The following SPINDOC variants were observed in gnomAD, a reference collection of about 807,000 sequenced individuals.
The protein encoded by SPINDOC is spindlin interactor and repressor of chromatin-binding protein.
In SPINDOC, 13 loss-of-function variants were observed where a neutral mutation model predicts 30.7. The ratio of observed to expected loss-of-function variants is 0.42; its 90% confidence interval spans 0.28 to 0.67. The LOEUF (loss-of-function observed/expected upper bound fraction) is 0.67. Ranked by LOEUF, SPINDOC falls within the 30% of genes least tolerant of loss-of-function variation. SPINDOC has a pLI of 0.22. For synonymous variants in SPINDOC, 228 were observed against 211.4 expected (o/e 1.08, Z -0.68); for missense variants, 438 against 518.0 (o/e 0.85, Z 1.50).
At chr11:63,825,578 C>T (rs1411281087) in intron 5 of SPINDOC, among the ~76,000 whole-genome samples, 1 of 152,120 alleles carries the variant, frequency 6.6e-6, no homozygotes. Flanking sequence ...CTCCATTCAC[C>T]GCTGTACCCC....
In SPINDOC at chr11:63,827,195, A is replaced by G. The variant is rs2015676409; in HGVS notation, c.*56A>G. ...ATGAGGCAGCGTCCCCCAGTGGCTTATAACTCAGAGCTGCCTGGCTCACCC... is the reference window on the plus strand; with the variant it reads ...ATGAGGCAGCGTCCCCCAGTGGCTTGTAACTCAGAGCTGCCTGGCTCACCC... On this transcript the variant is annotated 3_prime_UTR_variant, in exon 6 of 6. Coordinates refer to ENST00000294244, the MANE Select transcript of SPINDOC (RefSeq NM_138471.3). The G allele has an allele frequency of 6.3e-7, 1 of 1,590,004 alleles. No homozygotes were observed. Among genetic ancestry groups the G allele is most frequent in the South Asian group, 1.1e-5 (1 of 87,594 alleles).
At chr11:63,826,780 C>T (rs998224618) in intron 5 of SPINDOC, 148 bp from the exon 6 acceptor site, 24 of 614,370 alleles carry the variant, frequency 3.9e-5, no homozygotes, top group East Asian at 1.9e-4. Flanking sequence ...CCCTGCCATC[C>T]TTGGGCTTCC....
intron 5 of SPINDOC, among the ~76,000 whole-genome samples, chr11:63,822,381 G>C (rs879004535): frequency 9.4e-6 from 1 of 106,640 alleles, no homozygotes. Context: ...AAAAAAAAAA[G>C]AAACAAAGAA....
chr11:63,826,972 C>G lies in SPINDOC; in HGVS notation c.979C>G (p.Arg327Gly). 2 of 1,608,424 alleles carry G rather than the reference C, an allele frequency of 1.2e-6. No homozygotes were observed. The highest frequency in any genetic ancestry group is 1.7e-6 in the Non-Finnish European group (2 of 1,175,032). ...CGGGACACTGGATCTCCAGGTTATC[C>G]GCGTGCGGATGGAGGAGCCCCCAGC... ...LRGTLDLQVI[R>G]VRMEEPPAVS... is the part of the protein sequence containing the mutation. Residue 327 changes from arginine to glycine, a missense_variant, in exon 6 of 6, where the codon CGC becomes GGC. By Grantham distance (125) the Arg-to-Gly change is moderately radical. Coordinates refer to ENST00000294244, the MANE Select transcript of SPINDOC (RefSeq NM_138471.3).
rs981374257 is a variant in SPINDOC, at chr11:63,818,920, CAG to C, written c.853_854del (p.Arg285GlyfsTer71). On this transcript the variant is annotated frameshift_variant, in exon 5 of 6. Transcript: ENST00000294244. LOFTEE classifies it high-confidence loss of function. This position sits in a 1 kb window ranked among gnomAD's most constrained non-coding sequence, Gnocchi z 5.3. ...TGCAGCTCTTCTCCCACACCCAGCT[CAG>C]GGGCCCAGACAGCAAGGACTCACCC... is the stretch of plus-strand genomic sequence containing the variant. Reference protein sequence around the residue: ...VLQLFSHTQLRGPDSKDSPKD... With the variant: ...VLQLFSHTQLXGPDSKDSPKD... The C allele has an allele frequency of 4.3e-6, 7 of 1,614,084 alleles. No homozygotes were observed. The highest frequency in any genetic ancestry group is 4.5e-5 in the East Asian group (2 of 44,892).
intron 5 of SPINDOC, chr11:63,822,502 A>C: frequency 3.6e-6 from 3 of 833,650 alleles, no homozygotes; most frequent in Non-Finnish European, 5.2e-6. Context: ...TCCTTCAGAG[A>C]GAGCTCTCTG....
chr11:63,824,966 G>A (rs1271763007), intron 5 of SPINDOC, among the ~76,000 whole-genome samples: 2 of 152,076 alleles, frequency 1.3e-5, no homozygotes, highest in Non-Finnish European at 2.9e-5. Flanking sequence ...TCCAAAACAA[G>A]TTCAGAGCTC....
At position 63,813,650 on chromosome 11, in the gene SPINDOC, C is replaced by T; in HGVS notation, c.-37C>T. 6.7e-7 allele frequency: 1 copy of T among 1,501,080 alleles called. No individual in the cohort carries two copies. The highest frequency in any genetic ancestry group is 8.9e-7 in the Non-Finnish European group (1 of 1,125,634). The allele number at this position is 1,501,080 out of a possible 1,614,324, so 93.0% of individuals were successfully genotyped here. A position where few individuals can be genotyped will look rare whatever the true frequency, so the allele number is the denominator to read the frequency against. On this transcript the variant is annotated 5_prime_UTR_variant, in exon 1 of 6. Coordinates refer to ENST00000294244, the MANE Select transcript of SPINDOC (RefSeq NM_138471.3). ...CGGCTGCGCGCCGAAGCCTGCGCGCCAGTCCTCCGGCCACTGCTATCGCCC... is the reference window on the plus strand; with the variant it reads ...CGGCTGCGCGCCGAAGCCTGCGCGCTAGTCCTCCGGCCACTGCTATCGCCC...
chr11:63,814,926 A>G (rs2015299718), intron 1 of SPINDOC, among the ~76,000 whole-genome samples: 1 of 152,242 alleles, frequency 6.6e-6, no homozygotes, highest in African/African-American at 2.4e-5. Context: ...GCAGGAATAG[A>G]CAGGTGAATT....
In SPINDOC at chr11:63,818,966, G is replaced by C; in HGVS notation, c.898G>C (p.Glu300Gln). 1 of 1,614,128 alleles carries C rather than the reference G, an allele frequency of 6.2e-7. No homozygotes were observed. Among genetic ancestry groups the C allele is most frequent in the Non-Finnish European group, 8.5e-7 (1 of 1,180,040 alleles). Residue 300 changes from glutamate to glutamine, a missense_variant, in exon 5 of 6, where the codon GAA (glutamate) becomes CAA (glutamine). Transcript: ENST00000294244. This position sits in a 1 kb window ranked among gnomAD's most constrained non-coding sequence, Gnocchi z 5.3. ...KDSPKDREVAEGGLPRAESPS... is the reference protein window; with the variant it reads ...KDSPKDREVAQGGLPRAESPS... Reference sequence around the variant, plus strand: ...CTCACCCAAAGACAGGGAAGTGGCAGAAGGAGGCCTTCCCCGGGCGGAGAG... The same window carrying C: ...CTCACCCAAAGACAGGGAAGTGGCACAAGGAGGCCTTCCCCGGGCGGAGAG...
rs746020337 is a variant in SPINDOC at position 63,827,072 on chromosome 11, G to A, written c.1079G>A (p.Trp360Ter). The A allele has an allele frequency of 1.2e-6, 2 of 1,614,196 alleles. No homozygotes were observed. The highest frequency in any genetic ancestry group is 1.6e-4 in the Middle Eastern group (1 of 6,062). ...KRVGAGDTSD[W>*]PTVLSESSTT... ...GTGGGAGCAGGTGACACCTCAGACT[G>A]GCCCACAGTTCTGTCAGAATCCAGC... The change falls in exon 6 of 6, where the codon TGG becomes TAG. Residue 360 changes from tryptophan (W) to a stop codon, truncating the protein, a stop_gained. Transcript: ENST00000294244. LOFTEE classifies it low-confidence loss of function (END_TRUNC).
chr11:63,820,593 TA>T (rs2015487035), intron 5 of SPINDOC, among the ~76,000 whole-genome samples: 1 of 151,436 alleles, frequency 6.6e-6, no homozygotes, highest in South Asian at 2.1e-4. Flanking sequence ...TCTAATGGCT[TA>T]AAACAACACA....
Position 63,826,931 on chromosome 11 carries a change from C to T in SPINDOC, c.938C>T (p.Pro313Leu). Residue 313 changes from proline to leucine, a missense_variant, in exon 6 of 6, where the codon CCC becomes CTC. Around this residue, in one of 3 missense-constraint regions of SPINDOC, gnomAD observed 300 missense variants for 332.8 expected, o/e 0.90. Transcript: ENST00000294244. ...CTCTGCTCTCATCCCTGCCCAGCTC[C>T]CCCTCCGGGGCTCCGCGGGACACTG... ...LPRAESPSPA[P>L]PPGLRGTLDL... The T allele has an allele frequency of 6.6e-7, 1 of 1,506,100 alleles. No homozygotes were observed. The allele number at this position is 1,506,100 out of a possible 1,614,324, so 93.3% of individuals were successfully genotyped here.
chr11:63,821,422 C>T lies in SPINDOC; in HGVS notation c.934+2420C>T, dbSNP rs1026658756. Among the ~76,000 whole-genome samples the T allele has an allele frequency of 1.5e-3, 234 of 152,314 alleles. 9 individuals are homozygous for T. Among genetic ancestry groups the T allele is most frequent in the Admixed American group, 0.015 (228 of 15,288 alleles). ...AATTTCATCTGTAACCTTCATTCCC[C>T]TTTGCCATGTAACAAAACATTCACG... is the stretch of plus-strand genomic sequence containing the variant. On this transcript the variant is annotated intron_variant, in intron 5 of 5. Transcript: ENST00000294244.
intron 5 of SPINDOC, 92 bp downstream of exon 5, chr11:63,819,094 C>T: frequency 2.8e-5 from 1 of 36,246 alleles, no homozygotes; most frequent in South Asian, 1.8e-4. Flanking sequence ...GCAGAGCCCA[C>T]AGTAGGGGTG....
chr11:63,818,848 C>G lies in SPINDOC; in HGVS notation c.780C>G (p.Ala260=). Residue 260 remains alanine (A), a synonymous_variant, in exon 5 of 6, where the codon GCC becomes GCG. Coordinates refer to ENST00000294244, the MANE Select transcript of SPINDOC (RefSeq NM_138471.3). The surrounding 1 kb of genome is among the most constrained non-coding windows in gnomAD (Gnocchi z 5.3). The part of the protein sequence containing the change: ...DSPTETFAAP[A]EVRHFTDGSF... ...CCACGGAGACTTTCGCAGCACCAGCCGAGGTCCGACACTTCACTGACGGCA... is the reference window on the plus strand; with the variant it reads ...CCACGGAGACTTTCGCAGCACCAGCGGAGGTCCGACACTTCACTGACGGCA... 6.2e-7 allele frequency: 1 copy of G among 1,614,050 alleles called. No individual in the cohort carries two copies. Among genetic ancestry groups the G allele is most frequent in the South Asian group, 1.1e-5 (1 of 91,082 alleles).
intron 5 of SPINDOC, chr11:63,822,983 A>C: frequency 9.3e-7 from 1 of 1,074,630 alleles, no homozygotes; most frequent in Non-Finnish European, 1.3e-6. Flanking sequence ...TGTTGTCAGC[A>C]GTGGCAGCCT....
At chr11:63,814,215 T>C (rs540857027) in intron 1 of SPINDOC, among the ~76,000 whole-genome samples, 3 of 152,262 alleles carry the variant, frequency 2.0e-5, no homozygotes, top group Admixed American at 1.3e-4. Context: ...TGTGTTCTAG[T>C]CCGAGGGGCG....
At position 63,820,763 on chromosome 11, in the gene SPINDOC, G is replaced by A. The variant is rs1037992621; in HGVS notation, c.934+1761G>A. ...AAATTAGCCGGGCATGGTGGCGCACGCCTGTAGTCCCAGCTACACGGGAGG... is the reference window on the plus strand; with the variant it reads ...AAATTAGCCGGGCATGGTGGCGCACACCTGTAGTCCCAGCTACACGGGAGG... On this transcript the variant is annotated intron_variant, in intron 5 of 5. Coordinates refer to ENST00000294244, the MANE Select transcript of SPINDOC (RefSeq NM_138471.3). 6.0e-5 allele frequency among the ~76,000 whole-genome samples: 9 copies of A among 151,134 alleles called. No individual in the cohort carries two copies. The South Asian group carries it at 6.3e-4, about 11-fold the overall frequency.
Sources: allele counts gnomAD v4.1 joint callset (sites outside exome capture counted in the v4.1 genomes callset), GRCh38; gene constraint gnomAD v4.1.1; regional missense constraint gnomAD v4.1.1; non-coding constraint Gnocchi (gnomAD v3.1); transcripts MANE v1.5; gene names NCBI Gene and HGNC (gene_info 2026-07-23, HGNC 2026-07-21).